FMNL3: variants seen among roughly 807,000 people sequenced by gnomAD.
FMNL3 encodes the protein formin like 3, also known as formin-like protein 3.
A neutral mutation model predicts 119.6 loss-of-function variants in FMNL3; 57 were observed. The ratio of observed to expected loss-of-function variants is 0.48; its 90% CI spans 0.39 to 0.59. The LOEUF is 0.59. FMNL3 is among the 20% of genes least tolerant of loss of function. FMNL3 has a pLI of 0.00. For missense variants in FMNL3, 1,053 were observed against 1,323.5 expected (o/e 0.80, Z 3.17); for synonymous variants, 491 against 507.3 (o/e 0.97, Z 0.43).
rs1565861461 is a variant in FMNL3, at chr12:49,645,687, T to C, written c.*128A>G. On this transcript the variant is annotated 3_prime_UTR_variant, in exon 26 of 26. Coordinates refer to ENST00000335154, the MANE Select transcript of FMNL3 (RefSeq NM_175736.5). ...GTGGCACAAGTAGAAAGATCCAGCCTCAAGAGCTGGGGCGGACATGGTTGA... is the reference window on the plus strand; with the variant it reads ...GTGGCACAAGTAGAAAGATCCAGCCCCAAGAGCTGGGGCGGACATGGTTGA... 1 of 753,026 alleles carries C rather than the reference T, an allele frequency of 1.3e-6. No individual in the cohort carries two copies. The highest frequency in any genetic ancestry group is 1.9e-5 in the South Asian group (1 of 52,664). The allele number at this position is 753,026 out of a possible 1,614,324, so 46.6% of individuals were successfully genotyped here. A position where few individuals can be genotyped will look rare whatever the true frequency, so the allele number is the denominator to read the frequency against.
Position 49,652,115 on chromosome 12 carries a change from T to C in FMNL3, c.1421A>G (p.Asn474Ser), listed in dbSNP as rs746612217. 1 of 1,613,230 alleles carries C rather than the reference T, an allele frequency of 6.2e-7. No individual in the cohort carries two copies. The highest frequency in any genetic ancestry group is 1.1e-5 in the South Asian group (1 of 90,766). The change falls in exon 14 of 26, where the codon AAT becomes AGT. Residue 474 changes from asparagine (N) to serine (S), a missense_variant. By Grantham distance (46) the Asn-to-Ser change is conservative. Coordinates refer to ENST00000335154, the MANE Select transcript of FMNL3 (RefSeq NM_175736.5). ...GTCCACAGACTCCAGGCCCCGGACA[T>C]TTGGCTCCAAATGACATCGACGCTG... The part of the protein sequence containing the change: ...AFQRRCHLEP[N>S]VRGLESVDSE...
chr12:49,663,906 G>C (rs1854084381), intron 4 of FMNL3, among the ~76,000 whole-genome samples: 1 of 152,184 alleles, frequency 6.6e-6, no homozygotes, highest in South Asian at 2.1e-4. Context: ...TTGAGCCTAG[G>C]AGTTCAAGAC....
rs1416837787 is a variant in FMNL3 at position 49,685,522 on chromosome 12, G to C, written c.127-16968C>G. On this transcript the variant is annotated intron_variant, in intron 1 of 25. Coordinates refer to ENST00000335154, the MANE Select transcript of FMNL3 (RefSeq NM_175736.5). Reference sequence around the variant, plus strand: ...CACAAGAGACAAAATGTGCTAAAGGGCAGGCCAACAAAAGCCAAGAATTAC... The same window carrying C: ...CACAAGAGACAAAATGTGCTAAAGGCCAGGCCAACAAAAGCCAAGAATTAC... Among the ~76,000 whole-genome samples, 3 of 152,016 alleles carry C rather than the reference G, an allele frequency of 2.0e-5. No individual in the cohort carries two copies. The East Asian group carries it at 5.8e-4, about 29-fold the overall frequency.
chr12:49,697,819 C>T (rs1592698133), intron 1 of FMNL3, among the ~76,000 whole-genome samples: 1 of 151,830 alleles, frequency 6.6e-6, no homozygotes, highest in Admixed American at 6.6e-5. Context: ...ATGAAATTGA[C>T]TCAGAAAAGT....
rs1464589533 is a variant in FMNL3, at chr12:49,648,082, G to A, written c.2676+111C>T. ...CCAAAGCGCTCTCTCTCCCCTACATGTAGCCAGCCAGCTGCTTGATTTAAA... is the reference window on the plus strand; with the variant it reads ...CCAAAGCGCTCTCTCTCCCCTACATATAGCCAGCCAGCTGCTTGATTTAAA... On this transcript the variant is annotated intron_variant, in intron 22 of 25. Transcript: ENST00000335154. 4 of 1,345,808 alleles carry A rather than the reference G, an allele frequency of 3.0e-6. No homozygotes were observed. The Admixed American group carries it at 7.7e-5, about 26-fold the overall frequency. 83.4% of individuals were successfully genotyped at this position (1,345,808 alleles called of 1,614,324 possible).
intron 21 of FMNL3, among the ~76,000 whole-genome samples, chr12:49,648,728 C>T (rs1170979017): frequency 1.3e-5 from 2 of 152,202 alleles, no homozygotes; most frequent in East Asian, 3.9e-4. Context: ...ATACACAAAA[C>T]ACAAGACCTC....
At chr12:49,686,536 C>T (rs918751768) in intron 1 of FMNL3, among the ~76,000 whole-genome samples, 1 of 149,172 alleles carries the variant, frequency 6.7e-6, no homozygotes, top group African/African-American at 2.5e-5. Flanking sequence ...AGAGATTCCG[C>T]CACTGCACTC....
chr12:49,650,901 G>A, intron 16 of FMNL3, 23 bp from the exon 17 acceptor site: 2 of 1,613,576 alleles, frequency 1.2e-6, no homozygotes, highest in Non-Finnish European at 1.7e-6. Context: ...GGTGAGCAAG[G>A]AAAACGCTGT....
chr12:49,693,218 G>A (rs1944653343), intron 1 of FMNL3, among the ~76,000 whole-genome samples: 1 of 152,186 alleles, frequency 6.6e-6, no homozygotes, highest in Non-Finnish European at 1.5e-5. Context: ...GGAAGATGGA[G>A]ATAGGGATAA....
Position 49,637,364 on chromosome 12 carries a change from T to C in FMNL3, c.*8451A>G. The C allele has an allele frequency of 2.7e-6, 2 of 733,418 alleles. No individual in the cohort carries two copies. The highest frequency in any genetic ancestry group is 4.6e-6 in the Non-Finnish European group (2 of 431,608). 45.4% of individuals were successfully genotyped at this position (733,418 alleles called of 1,614,324 possible). On this transcript the variant is annotated 3_prime_UTR_variant, in exon 26 of 26. Transcript: ENST00000335154. ...GCCTCTCTTGCCTGCATTTCCTCAA[T>C]CTTGATTGTCCCTGCCTCTTCCTCT...
chr12:49,687,306 A>G (rs1038597244), intron 1 of FMNL3, among the ~76,000 whole-genome samples: 1 of 127,380 alleles, frequency 7.9e-6, no homozygotes, highest in African/African-American at 3.3e-5. Context: ...GTTGGCCAGG[A>G]TGGTCTTGAT....
intron 1 of FMNL3, among the ~76,000 whole-genome samples, chr12:49,691,393 A>T (rs2139002502): frequency 6.6e-6 from 1 of 152,322 alleles, no homozygotes; most frequent in East Asian, 1.9e-4. Context: ...GAGATGCAGC[A>T]CAGCCTAGAG....
chr12:49,669,726 G>A (rs1026048700), intron 1 of FMNL3, among the ~76,000 whole-genome samples: 2 of 152,132 alleles, frequency 1.3e-5, no homozygotes, highest in Non-Finnish European at 2.9e-5. Flanking sequence ...CAGCTACTCA[G>A]GTTGCCAAGG....
chr12:49,650,176 G>T (rs1457819729), intron 17 of FMNL3, among the ~76,000 whole-genome samples: 2 of 152,132 alleles, frequency 1.3e-5, no homozygotes, highest in Non-Finnish European at 2.9e-5. Context: ...CCTGAGCATG[G>T]CTTACGAGGT....
Position 49,698,091 on chromosome 12 carries a change from C to T in FMNL3, c.126+8964G>A, listed in dbSNP as rs552329821. ...TCTCCTAAAGTACCCAACGACCAGG[C>T]TCATGTCAACTTTCTTAGAGAGGCA... is the stretch of plus-strand genomic sequence containing the variant. On this transcript the variant is annotated intron_variant, in intron 1 of 25. Coordinates refer to ENST00000335154, the MANE Select transcript of FMNL3 (RefSeq NM_175736.5). 2.0e-5 allele frequency among the ~76,000 whole-genome samples: 3 copies of T among 152,278 alleles called. No homozygotes were observed. The South Asian group carries it at 6.2e-4, about 32-fold the overall frequency.
Position 49,645,787 on chromosome 12 carries a change from G to A in FMNL3, c.*28C>T. On this transcript the variant is annotated 3_prime_UTR_variant, in exon 26 of 26. Coordinates refer to ENST00000335154, the MANE Select transcript of FMNL3 (RefSeq NM_175736.5). ...GGTTGGACTTGTAGGACTCTGAGGG[G>A]TGAAGTGCTTCTGCCTCCGAGAGGG... 1.9e-6 allele frequency: 3 copies of A among 1,581,802 alleles called. No individual in the cohort carries two copies. Among genetic ancestry groups the A allele is most frequent in the African/African-American group, 2.7e-5 (2 of 72,824 alleles).
intron 1 of FMNL3, among the ~76,000 whole-genome samples, chr12:49,673,081 C>T (rs1944089124): frequency 6.6e-6 from 1 of 152,184 alleles, no homozygotes; most frequent in South Asian, 2.1e-4. Flanking sequence ...TCTTGAACCA[C>T]CTCCCACCAG....
At chr12:49,677,524 T>A (rs1944223163) in intron 1 of FMNL3, among the ~76,000 whole-genome samples, 1 of 152,242 alleles carries the variant, frequency 6.6e-6, no homozygotes, top group South Asian at 2.1e-4. Context: ...AGTTAATATA[T>A]GTAAAGCATT....
At chr12:49,697,774 T>C (rs544096925) in intron 1 of FMNL3, among the ~76,000 whole-genome samples, 5 of 152,218 alleles carry the variant, frequency 3.3e-5, no homozygotes, top group Middle Eastern at 3.4e-3. Flanking sequence ...CAAAAACCTG[T>C]AGGATAGGTA....
Sources: allele counts gnomAD v4.1 joint callset (sites outside exome capture counted in the v4.1 genomes callset), GRCh38; gene constraint gnomAD v4.1.1; transcripts MANE v1.5; gene names NCBI Gene and HGNC (gene_info 2026-07-23, HGNC 2026-07-21).